The following NR1H4 variants were observed in gnomAD, a reference collection of about 807,000 sequenced individuals.
NR1H4 encodes bile acid receptor.
In NR1H4, 23 loss-of-function variants were observed where a neutral mutation model predicts 58.5. The ratio of observed to expected loss-of-function variants is 0.39; its 90% CI spans 0.28 to 0.56. The LOEUF (loss-of-function observed/expected upper bound fraction) is 0.56, where lower values mean the gene tolerates loss of function less well. NR1H4 is among the 20% of genes least tolerant of loss of function. NR1H4 has a pLI of 0.58. For missense variants in NR1H4, 487 were observed against 576.9 expected, an observed-to-expected ratio of 0.84 and a Z score of 1.60; for synonymous variants, 214 against 198.0, an observed-to-expected ratio of 1.08 and a Z score of -0.68.
intron 9 of NR1H4, among the ~76,000 whole-genome samples, chr12:100,541,988 G>C (rs991677489): frequency 6.6e-6 from 1 of 152,102 alleles, no homozygotes; most frequent in South Asian, 2.1e-4. Flanking sequence ...TTTTCAAATG[G>C]AAAAGCTGAG....
At chr12:100,504,891 T>C (rs1420603881) in intron 3 of NR1H4, among the ~76,000 whole-genome samples, 1 of 152,156 alleles carries the variant, frequency 6.6e-6, no homozygotes, top group Non-Finnish European at 1.5e-5. Context: ...AGTGCCATAA[T>C]AGAAGTGTGT....
intron 6 of NR1H4, among the ~76,000 whole-genome samples, chr12:100,535,888 G>C (rs1954802087): frequency 6.6e-6 from 1 of 152,122 alleles, no homozygotes; most frequent in Admixed American, 6.6e-5. Context: ...TCTATTTTAG[G>C]GGTTGACAAA....
intron 3 of NR1H4, among the ~76,000 whole-genome samples, chr12:100,501,734 T>G (rs1226044276): frequency 1.3e-5 from 2 of 152,224 alleles, no homozygotes; most frequent in Non-Finnish European, 2.9e-5. Context: ...TCAAAATTGC[T>G]TTCATATTTA....
intron 1 of NR1H4, among the ~76,000 whole-genome samples, chr12:100,491,961 G>A (rs954221120): frequency 6.6e-6 from 1 of 151,980 alleles, no homozygotes; most frequent in African/African-American, 2.4e-5. Flanking sequence ...CCTGTTATTT[G>A]CCTTCATAAA....
At chr12:100,543,703 T>C (rs1241866128) in intron 9 of NR1H4, among the ~76,000 whole-genome samples, 2 of 152,080 alleles carry the variant, frequency 1.3e-5, no homozygotes, top group Non-Finnish European at 2.9e-5. Context: ...GTGGTTTAGC[T>C]AGTCACTAGG....
intron 5 of NR1H4, among the ~76,000 whole-genome samples, chr12:100,533,465 G>T (rs1052162793): frequency 6.6e-6 from 1 of 152,326 alleles, no homozygotes; most frequent in Middle Eastern, 3.4e-3. Context: ...ATGCATGCAG[G>T]TTGGGGGAAA....
At chr12:100,509,663 G>A (rs1402334905) in intron 3 of NR1H4, among the ~76,000 whole-genome samples, 5 of 152,186 alleles carry the variant, frequency 3.3e-5, no homozygotes, top group Admixed American at 3.3e-4. Flanking sequence ...CAGATTGTAA[G>A]TAACAGAGCA....
intron 3 of NR1H4, among the ~76,000 whole-genome samples, chr12:100,500,378 C>T (rs1163671733): frequency 1.3e-5 from 2 of 152,174 alleles, no homozygotes; most frequent in Non-Finnish European, 2.9e-5. Context: ...ACAGTGCTCC[C>T]AAATACTCTG....
intron 4 of NR1H4, among the ~76,000 whole-genome samples, chr12:100,528,796 A>T (rs1325241091): frequency 2.6e-5 from 4 of 152,122 alleles, no homozygotes; most frequent in African/African-American, 9.7e-5. Context: ...GAGTCAAAAA[A>T]CCCTGCAGAA....
intron 6 of NR1H4, among the ~76,000 whole-genome samples, chr12:100,536,039 G>C (rs888137951): frequency 6.6e-5 from 10 of 152,090 alleles, no homozygotes; most frequent in Non-Finnish European, 1.2e-4. Flanking sequence ...AAATCCAATG[G>C]ATTTGGTCCA....
At chr12:100,559,802 C>T (rs1177353983) in intron 9 of NR1H4, among the ~76,000 whole-genome samples, 1 of 152,256 alleles carries the variant, frequency 6.6e-6, no homozygotes, top group African/African-American at 2.4e-5. Context: ...GCTCCACCTG[C>T]AGCCCTGGTG....
chr12:100,494,353 A>T (rs1178869197), intron 3 of NR1H4, among the ~76,000 whole-genome samples: 1 of 152,208 alleles, frequency 6.6e-6, no homozygotes, highest in Non-Finnish European at 1.5e-5. Context: ...AATTATTTAC[A>T]TGTGTACCTG....
At chr12:100,553,317 T>C (rs1418494899) in intron 9 of NR1H4, among the ~76,000 whole-genome samples, 1 of 152,110 alleles carries the variant, frequency 6.6e-6, no homozygotes, top group Non-Finnish European at 1.5e-5. Flanking sequence ...TCTTATAAAA[T>C]GTATATGGTA....
intron 9 of NR1H4, among the ~76,000 whole-genome samples, chr12:100,557,374 G>A (rs1002574076): frequency 6.6e-6 from 1 of 152,300 alleles, no homozygotes; most frequent in Non-Finnish European, 1.5e-5. Context: ...AGGGCACCAA[G>A]CCATTCATGA....
chr12:100,478,078 C>T (rs1177896355), intron 1 of NR1H4, among the ~76,000 whole-genome samples: 1 of 151,974 alleles, frequency 6.6e-6, no homozygotes, highest in African/African-American at 2.4e-5. Context: ...CTAATGTAAA[C>T]TATAGTCCTT....
chr12:100,498,195 G>A (rs1156895679), intron 3 of NR1H4, among the ~76,000 whole-genome samples: 1 of 152,180 alleles, frequency 6.6e-6, no homozygotes, highest in African/African-American at 2.4e-5. Flanking sequence ...ATCCTAAAAT[G>A]TTACAATTAA....
chr12:100,515,317 G>A (rs926712474), intron 4 of NR1H4, among the ~76,000 whole-genome samples: 24 of 151,806 alleles, frequency 1.6e-4, no homozygotes, highest in African/African-American at 4.8e-4. Context: ...GCTTACAGGC[G>A]CCCTCCACTA....
At chr12:100,497,948 G>A (rs747240066) in intron 3 of NR1H4, among the ~76,000 whole-genome samples, 3 of 152,094 alleles carry the variant, frequency 2.0e-5, no homozygotes, top group Non-Finnish European at 4.4e-5. Context: ...AGAAAATACA[G>A]TCTTATCCTC....
intron 3 of NR1H4, among the ~76,000 whole-genome samples, chr12:100,509,200 C>G (rs898532143): frequency 4.6e-5 from 7 of 152,186 alleles, no homozygotes; most frequent in African/African-American, 1.7e-4. Context: ...CTCAAAATCC[C>G]ACTGTTCATA....
Sources: gnomAD v4.1 joint callset for allele counts (sites outside exome capture counted in the v4.1 genomes callset) on GRCh38, gnomAD v4.1.1 for gene constraint, MANE v1.5 for transcripts, NCBI Gene and HGNC (gene_info 2026-07-23, HGNC 2026-07-21) for gene names.